FAM240B: variants seen among roughly 807,000 people sequenced by gnomAD.
FAM240B encodes family with sequence similarity 240 member B, also known as protein FAM240B.
intron 1 of FAM240B, among the ~76,000 whole-genome samples, chr9:38,714,028 AAC>A (rs1821284650): frequency 6.6e-6 from 1 of 152,176 alleles, no homozygotes; most frequent in African/African-American, 2.4e-5. Context: ...GTCACAAAGT[AAC>A]AGAGGCTTAA....
At chr9:38,712,052 G>T (rs374760987) in intron 1 of FAM240B, among the ~76,000 whole-genome samples, 1 of 152,038 alleles carries the variant, frequency 6.6e-6, no homozygotes, top group Non-Finnish European at 1.5e-5. Flanking sequence ...AGATTTTGCC[G>T]GCAGTATATT....
chr9:38,719,239 C>T (rs900429599), intron 1 of FAM240B, among the ~76,000 whole-genome samples: 3 of 152,058 alleles, frequency 2.0e-5, no homozygotes, highest in Non-Finnish European at 4.4e-5. Context: ...TGTTTCTCTG[C>T]ATCCCCCCCC....
At position 38,694,544 on chromosome 9, in the gene FAM240B, A is replaced by T; in HGVS notation, c.*232T>A. ...AATTCCAAGAGCTCTTTTATTAAAT[A>T]GCCCAAGCGTCCTATCCCACTTGCG... On this transcript the variant is annotated 3_prime_UTR_variant, in exon 3 of 3. Transcript: ENST00000637493. The T allele has an allele frequency of 2.7e-6, 1 of 372,276 alleles. No individual in the cohort carries two copies. The highest frequency in any genetic ancestry group is 4.8e-6 in the Non-Finnish European group (1 of 210,014). The allele number at this position is 372,276 out of a possible 1,614,324, so 23.1% of individuals were successfully genotyped here. A position where few individuals can be genotyped will look rare whatever the true frequency, so the allele number is the denominator to read the frequency against.
chr9:38,704,301 C>T (rs562684302), intron 1 of FAM240B, among the ~76,000 whole-genome samples: 1 of 152,188 alleles, frequency 6.6e-6, no homozygotes, highest in African/African-American at 2.4e-5. Flanking sequence ...TTTTCACTGT[C>T]TTTGAGCTAT....
At position 38,714,541 on chromosome 9, in the gene FAM240B, A is replaced by G. The variant is rs189491285; in HGVS notation, c.-4+5481T>C. On this transcript the variant is annotated intron_variant, in intron 1 of 2. Transcript: ENST00000637493. Reference sequence around the variant, plus strand: ...AAAGTAGTCACTTTACAGTGGAGAAACAAATACCCCCTTAAATAAGTGTGG... The same window carrying G: ...AAAGTAGTCACTTTACAGTGGAGAAGCAAATACCCCCTTAAATAAGTGTGG... 2.2e-3 allele frequency among the ~76,000 whole-genome samples: 330 copies of G among 152,290 alleles called. 1 individual carries two copies. Among genetic ancestry groups the G allele is most frequent in the South Asian group, 8.3e-4 (4 of 4,820 alleles).
At chr9:38,717,769 A>C (rs2119017064) in intron 1 of FAM240B, among the ~76,000 whole-genome samples, 1 of 152,292 alleles carries the variant, frequency 6.6e-6, no homozygotes, top group East Asian at 1.9e-4. Context: ...AGCGTGAGCC[A>C]CTGCTCCCGG....
chr9:38,717,403 A>AC (rs1336958235), intron 1 of FAM240B, among the ~76,000 whole-genome samples: 1 of 151,794 alleles, frequency 6.6e-6, no homozygotes, highest in Non-Finnish European at 1.5e-5. Flanking sequence ...ACAGGGTGAA[A>AC]CCCCGTCTCT....
chr9:38,715,830 A>C (rs183283284), intron 1 of FAM240B, among the ~76,000 whole-genome samples: 135 of 152,312 alleles, frequency 8.9e-4, no homozygotes, highest in African/African-American at 3.0e-3. Flanking sequence ...ACTATGCCTT[A>C]GCTTCCTGGA....
chr9:38,713,650 A>C (rs1029614969), intron 1 of FAM240B, among the ~76,000 whole-genome samples: 2 of 152,154 alleles, frequency 1.3e-5, no homozygotes, highest in African/African-American at 4.8e-5. Flanking sequence ...GTGTGCTGTA[A>C]TTATGTAAGA....
chr9:38,703,789 G>A (rs1587590440), intron 2 of FAM240B, 68 bp downstream of exon 2: 5 of 398,524 alleles, frequency 1.3e-5, no homozygotes, highest in Middle Eastern at 5.2e-4. Context: ...CCCTACCTGA[G>A]TCTTCATATC....
intron 1 of FAM240B, among the ~76,000 whole-genome samples, chr9:38,716,794 A>C (rs542823764): frequency 3.3e-5 from 5 of 152,300 alleles, no homozygotes; most frequent in East Asian, 1.9e-4. Flanking sequence ...ATTTCTTAAG[A>C]GTGCGCTCTA....
intron 1 of FAM240B, among the ~76,000 whole-genome samples, chr9:38,706,122 T>A (rs1169387688): frequency 6.6e-6 from 1 of 152,242 alleles, no homozygotes; most frequent in Non-Finnish European, 1.5e-5. Flanking sequence ...AAATAATTTT[T>A]AAATATATTT....
chr9:38,703,188 G>T (rs1386125761), intron 2 of FAM240B, among the ~76,000 whole-genome samples: 2 of 152,198 alleles, frequency 1.3e-5, no homozygotes, highest in East Asian at 3.9e-4. Flanking sequence ...ATGTATTGGT[G>T]ATATTTTCTA....
chr9:38,704,037 T>G (rs1263726065), intron 1 of FAM240B, 35 bp from the exon 2 acceptor site: 1 of 390,536 alleles, frequency 2.6e-6, no homozygotes, highest in Admixed American at 4.5e-5. Context: ...CCCACTTCTT[T>G]AAATAAAGCC....
chr9:38,708,277 TA>T (rs1332241552), intron 1 of FAM240B, among the ~76,000 whole-genome samples: 9 of 152,212 alleles, frequency 5.9e-5, no homozygotes, highest in African/African-American at 2.2e-4. Context: ...TTGCTTTCTC[TA>T]TGCTTTCCTC....
At chr9:38,707,378 A>G (rs1395006584) in intron 1 of FAM240B, among the ~76,000 whole-genome samples, 1 of 152,010 alleles carries the variant, frequency 6.6e-6, no homozygotes, top group Non-Finnish European at 1.5e-5. Context: ...AGGAGGATTT[A>G]CTCTAGCAGA....
intron 2 of FAM240B, among the ~76,000 whole-genome samples, chr9:38,701,463 C>T (rs943178562): frequency 2.6e-5 from 4 of 152,168 alleles, no homozygotes; most frequent in East Asian, 1.9e-4. Context: ...GCAAAAATAA[C>T]AGTAAAACCA....
At chr9:38,713,481 C>CAA (rs77404875) in intron 1 of FAM240B, among the ~76,000 whole-genome samples, 12,916 of 83,662 alleles carry the variant, frequency 0.15, 1,677 homozygotes, top group Non-Finnish European at 0.16. Flanking sequence ...CCGTTTCAAA[C>CAA]AAAAAAAAAA....
chr9:38,695,043 A>G (rs893166440), intron 2 of FAM240B, among the ~76,000 whole-genome samples, 174 bp from the exon 3 acceptor site: 3 of 152,270 alleles, frequency 2.0e-5, no homozygotes, highest in Admixed American at 6.5e-5. Flanking sequence ...GAGTGAGAAC[A>G]TGTGGTGTTT....
Sources: gnomAD v4.1 joint callset for allele counts (sites outside exome capture counted in the v4.1 genomes callset) on GRCh38, gnomAD v4.1.1 for gene constraint, MANE v1.5 for transcripts, NCBI Gene and HGNC (gene_info 2026-07-23, HGNC 2026-07-21) for gene names.